Variants in MYO3B observed in about 807,000 individuals in gnomAD.
MYO3B encodes the protein myosin IIIB, also known as myosin-IIIb.
MYO3B carries 156 observed loss-of-function variants against 174.6 expected under a neutral mutation model. That is an observed-to-expected ratio of 0.89 (90% CI 0.78 to 1.02). The LOEUF (loss-of-function observed/expected upper bound fraction) is 1.02. Among genes scored for constraint, MYO3B ranks in the 50% least tolerant of loss-of-function variants. MYO3B has a pLI of 0.00. For synonymous variants in MYO3B, 563 were observed against 569.1 expected (o/e 0.99, Z 0.15); for missense variants, 1,632 against 1,639.4 (o/e 1.00, Z 0.08).
chr2:170,267,172 A>G (rs2093390452), intron 7 of MYO3B, among the ~76,000 whole-genome samples: 1 of 151,794 alleles, frequency 6.6e-6, no homozygotes, highest in African/African-American at 2.4e-5. Context: ...TGGGTTCTGC[A>G]CCTCACAGTC....
chr2:170,481,872 G>T (rs1489990146), intron 25 of MYO3B, among the ~76,000 whole-genome samples: 1 of 152,122 alleles, frequency 6.6e-6, no homozygotes, highest in African/African-American at 2.4e-5. Flanking sequence ...GTGTGTGTTG[G>T]TGCCTTTTAG....
In MYO3B at chr2:170,495,772, A is replaced by G. The variant is rs113624436; in HGVS notation, c.3015-2820A>G. On this transcript the variant is annotated intron_variant, in intron 25 of 34. Coordinates refer to ENST00000408978, the MANE Select transcript of MYO3B (RefSeq NM_138995.5). ...GGGCTACTTAAAGCCGGTGGAACCC[A>G]TGTTGTAAATGGCTGGTCCTAAAAG... Among the ~76,000 whole-genome samples the G allele has an allele frequency of 2.4e-4, 36 of 152,334 alleles. 1 individual carries two copies. Among genetic ancestry groups the G allele is most frequent in the African/African-American group, 7.5e-4 (31 of 41,592 alleles).
At chr2:170,309,526 A>C (rs6729539) in intron 7 of MYO3B, among the ~76,000 whole-genome samples, 26,510 of 151,990 alleles carry the variant, frequency 0.17, 2,955 homozygotes, top group African/African-American at 0.29. Context: ...TCAGCCTAGA[A>C]CCTTCTCACT....
intron 6 of MYO3B, among the ~76,000 whole-genome samples, chr2:170,228,654 A>G (rs1276755090): frequency 1.3e-5 from 2 of 152,086 alleles, no homozygotes; most frequent in Non-Finnish European, 2.9e-5. Flanking sequence ...TCTACCCTCC[A>G]CTAGCTATGG....
chr2:170,455,984 C>G (rs1683885062), intron 23 of MYO3B, among the ~76,000 whole-genome samples: 1 of 152,116 alleles, frequency 6.6e-6, no homozygotes, highest in African/African-American at 2.4e-5. Context: ...CTTCCTCACT[C>G]TCTGAAAGTT....
At chr2:170,461,599 A>G (rs1240354593) in intron 23 of MYO3B, among the ~76,000 whole-genome samples, 1 of 151,656 alleles carries the variant, frequency 6.6e-6, no homozygotes, top group African/African-American at 2.4e-5. Context: ...AACATGGTAA[A>G]ACCTCATCTC....
intron 30 of MYO3B, among the ~76,000 whole-genome samples, 158 bp from the exon 31 acceptor site, chr2:170,542,748 T>C (rs537256316): frequency 6.6e-6 from 1 of 152,338 alleles, no homozygotes; most frequent in East Asian, 1.9e-4. Context: ...CTCATTTTCT[T>C]AAGGTGACCA....
At chr2:170,471,956 A>G (rs1434700184) in intron 25 of MYO3B, among the ~76,000 whole-genome samples, 1 of 150,244 alleles carries the variant, frequency 6.7e-6, no homozygotes, top group Admixed American at 6.7e-5. Flanking sequence ...GCGCCATTGC[A>G]CTCCAGCCTG....
intron 32 of MYO3B, among the ~76,000 whole-genome samples, chr2:170,632,212 A>G (rs1306462224): frequency 1.3e-5 from 2 of 152,198 alleles, no homozygotes; most frequent in African/African-American, 4.8e-5. Flanking sequence ...ACTTGTTCCA[A>G]AATTGACCAC....
chr2:170,465,950 T>A (rs1236323187), intron 24 of MYO3B, among the ~76,000 whole-genome samples: 1 of 152,170 alleles, frequency 6.6e-6, no homozygotes. Flanking sequence ...CCTCTTGCTG[T>A]GAGAGCCCTG....
chr2:170,639,108 T>C (rs998530313), intron 32 of MYO3B, among the ~76,000 whole-genome samples: 15 of 152,336 alleles, frequency 9.8e-5, no homozygotes, highest in Admixed American at 8.5e-4. Context: ...TGGTGTCCCA[T>C]ATCCGCAAGC....
At chr2:170,233,968 G>A (rs1295413309) in intron 6 of MYO3B, among the ~76,000 whole-genome samples, 2 of 151,770 alleles carry the variant, frequency 1.3e-5, no homozygotes. Flanking sequence ...TCAGGAGATC[G>A]AGACCATCCC....
chr2:170,316,660 G>A (rs2093777799), intron 7 of MYO3B, among the ~76,000 whole-genome samples: 1 of 152,184 alleles, frequency 6.6e-6, no homozygotes, highest in Non-Finnish European at 1.5e-5. Context: ...CCATTTGATG[G>A]TCATGAGACT....
intron 25 of MYO3B, among the ~76,000 whole-genome samples, chr2:170,480,806 A>G (rs1685642880): frequency 6.6e-6 from 1 of 152,224 alleles, no homozygotes; most frequent in Non-Finnish European, 1.5e-5. Flanking sequence ...TAGAAGTCTT[A>G]GTGTTGATGA....
At chr2:170,397,912 T>A (rs1005706216) in intron 16 of MYO3B, among the ~76,000 whole-genome samples, 1 of 152,156 alleles carries the variant, frequency 6.6e-6, no homozygotes, top group Non-Finnish European at 1.5e-5. Context: ...TACTTACCAT[T>A]ACTGTTTTAT....
At chr2:170,509,016 G>A (rs902076176) in intron 28 of MYO3B, among the ~76,000 whole-genome samples, 1 of 137,360 alleles carries the variant, frequency 7.3e-6, no homozygotes, top group Non-Finnish European at 1.5e-5. Context: ...ACTTCACTGG[G>A]GGGGAAAAAA....
At chr2:170,495,212 C>T (rs1486654047) in intron 25 of MYO3B, among the ~76,000 whole-genome samples, 4 of 152,346 alleles carry the variant, frequency 2.6e-5, no homozygotes, top group African/African-American at 7.2e-5. Flanking sequence ...TTCCAGAAAA[C>T]TCTCCCTTCC....
chr2:170,230,365 T>TTTTTTTTTTTTTTTTTTTTTTGGA (rs1559318980), intron 6 of MYO3B, among the ~76,000 whole-genome samples: 1 of 140,768 alleles, frequency 7.1e-6, no homozygotes, highest in African/African-American at 2.9e-5. Context: ...TTTTTTTTAG[T>TTTTTTTTTTTTTTTTTTTTTTGGA]AGAGACGGGG....
chr2:170,334,270 A>C (rs370757595), intron 7 of MYO3B: 14 of 152,352 alleles, frequency 9.2e-5, no homozygotes, highest in Admixed American at 8.5e-4. Flanking sequence ...AGCCGTAAGG[A>C]ACTCAAGAAA....
Sources: allele counts gnomAD v4.1 joint callset (sites outside exome capture counted in the v4.1 genomes callset), GRCh38; gene constraint gnomAD v4.1.1; transcripts MANE v1.5; gene names NCBI Gene and HGNC (gene_info 2026-07-23, HGNC 2026-07-21).